The following RBFOX1 variants were observed in gnomAD, a reference collection of about 807,000 sequenced individuals.
RBFOX1 encodes RNA binding fox-1 homolog 1, also known as RNA binding protein fox-1 homolog 1.
RBFOX1 carries 8 observed loss-of-function variants against 57.7 expected under a neutral mutation model. The ratio of observed to expected loss-of-function variants is 0.14; its 90% CI spans 0.08 to 0.25. The LOEUF is 0.25. Ranked by LOEUF, RBFOX1 falls within the 10% of genes least tolerant of loss-of-function variation. The pLI, the probability that RBFOX1 is intolerant of heterozygous loss-of-function variation, is 1.00. For missense variants in RBFOX1, 611 were observed against 548.5 expected (o/e 1.11, Z -1.14); for synonymous variants, 326 against 222.4 (o/e 1.47, Z -4.15).
chr16:6,868,550 C>A (rs1051940192), intron 3 of RBFOX1, among the ~76,000 whole-genome samples: 1 of 152,120 alleles, frequency 6.6e-6, no homozygotes, highest in South Asian at 2.1e-4. Flanking sequence ...CGGCTCACTG[C>A]AACCTCTGCT....
intron 2 of RBFOX1, among the ~76,000 whole-genome samples, chr16:6,563,078 T>C (rs1324464565): frequency 6.6e-6 from 1 of 151,964 alleles, no homozygotes. Context: ...CCATGGAGTA[T>C]ACTCACTTCT....
At chr16:5,257,886 C>A (rs1308023826) in intron 1 of RBFOX1, among the ~76,000 whole-genome samples, 1 of 151,930 alleles carries the variant, frequency 6.6e-6, no homozygotes, top group East Asian at 1.9e-4. Flanking sequence ...TTTTTGTTTG[C>A]TTGTTTCTTT....
chr16:6,581,446 T>A (rs1286966879), intron 2 of RBFOX1, among the ~76,000 whole-genome samples: 1 of 152,216 alleles, frequency 6.6e-6, no homozygotes, highest in African/African-American at 2.4e-5. Flanking sequence ...CCCAGCTGTG[T>A]TGGCTGTTGT....
At position 6,227,804 on chromosome 16, in the gene RBFOX1, C is replaced by G. The variant is rs574971198; in HGVS notation, c.-126-89191C>G. ...GGTTACTAACTATAGAAATCCTTAA[C>G]TGAATTATTTCTCTCAGGTACACAC... On this transcript the variant is annotated intron_variant, in intron 1 of 15. Coordinates refer to ENST00000550418, the MANE Select transcript of RBFOX1 (RefSeq NM_018723.4). 5.9e-5 allele frequency among the ~76,000 whole-genome samples: 9 copies of G among 152,296 alleles called. No individual in the cohort carries two copies. The East Asian group carries it at 1.4e-3, about 23-fold the overall frequency.
intron 3 of RBFOX1, among the ~76,000 whole-genome samples, chr16:6,928,807 C>G (rs1000372051): frequency 6.6e-6 from 1 of 152,052 alleles, no homozygotes; most frequent in African/African-American, 2.4e-5. Flanking sequence ...CATATGCACA[C>G]AGAAAAAGAA....
intron 3 of RBFOX1, among the ~76,000 whole-genome samples, chr16:5,855,241 G>T (rs1024632300): frequency 6.6e-6 from 1 of 152,072 alleles, no homozygotes; most frequent in African/African-American, 2.4e-5. Context: ...AAGCCTACTT[G>T]TTCATTTTTG....
chr16:5,611,135 A>G (rs986986518), intron 3 of RBFOX1: 6 of 152,206 alleles, frequency 3.9e-5, no homozygotes, highest in Non-Finnish European at 7.3e-5. Context: ...TGTTGGCAAC[A>G]TCTCCATCCC....
At chr16:7,681,484 A>T (rs11641271) in intron 14 of RBFOX1, among the ~76,000 whole-genome samples, 20,316 of 152,194 alleles carry the variant, frequency 0.13, 1,726 homozygotes, top group East Asian at 0.31. Context: ...GCCTCAGATT[A>T]AGTAGTAGAG....
intron 2 of RBFOX1, among the ~76,000 whole-genome samples, chr16:6,546,290 C>A (rs1006304811): frequency 6.6e-6 from 1 of 152,186 alleles, no homozygotes; most frequent in Non-Finnish European, 1.5e-5. Flanking sequence ...GCATTGTAAG[C>A]TCTTCCTTGC....
At chr16:7,486,716 G>A (rs982819465) in intron 4 of RBFOX1, among the ~76,000 whole-genome samples, 40 of 152,096 alleles carry the variant, frequency 2.6e-4, no homozygotes, top group Middle Eastern at 3.2e-3. Context: ...CAGATGCTAA[G>A]AAGCAAGTCA....
At position 6,506,044 on chromosome 16, in the gene RBFOX1, C is replaced by T. The variant is rs543169590; in HGVS notation, c.-63-148559C>T. Among the ~76,000 whole-genome samples, 182 of 152,254 alleles carry T rather than the reference C, an allele frequency of 1.2e-3. 1 individual carries two copies. The highest frequency in any genetic ancestry group is 4.3e-3 in the African/African-American group (178 of 41,550). ...GGATAGGTGACCTAAAGGAAAGATTCCTGATTCTAGCAAAGCAGTTAGCAA... is the reference window on the plus strand; with the variant it reads ...GGATAGGTGACCTAAAGGAAAGATTTCTGATTCTAGCAAAGCAGTTAGCAA... On this transcript the variant is annotated intron_variant, in intron 2 of 15. Coordinates refer to ENST00000550418, the MANE Select transcript of RBFOX1 (RefSeq NM_018723.4).
chr16:7,129,204 C>A (rs75157339), intron 4 of RBFOX1, among the ~76,000 whole-genome samples: 1 of 152,128 alleles, frequency 6.6e-6, no homozygotes, highest in Admixed American at 6.6e-5. Context: ...AGTTCTTCCT[C>A]ATTGCAATGT....
At chr16:6,027,872 T>C (rs117208848) in intron 1 of RBFOX1, among the ~76,000 whole-genome samples, 158 of 152,278 alleles carry the variant, frequency 1.0e-3, no homozygotes, top group Non-Finnish European at 2.0e-3. Flanking sequence ...GTTGAGATCG[T>C]TGACAGACTT....
At chr16:6,909,318 C>G (rs142550958) in intron 3 of RBFOX1, among the ~76,000 whole-genome samples, 3 of 152,338 alleles carry the variant, frequency 2.0e-5, no homozygotes, top group African/African-American at 7.2e-5. Context: ...ATACCTCCTT[C>G]TCTGGTCTTC....
chr16:5,254,893 T>C (rs1015685135), intron 1 of RBFOX1, among the ~76,000 whole-genome samples: 6 of 152,152 alleles, frequency 3.9e-5, no homozygotes, highest in Admixed American at 1.3e-4. Context: ...GTGAGCCTTT[T>C]GGGGTGAACT....
Position 6,755,607 on chromosome 16 carries a change from A to C in RBFOX1, c.-16+100957A>C, listed in dbSNP as rs142060191. Among the ~76,000 whole-genome samples the C allele has an allele frequency of 9.9e-4, 151 of 152,290 alleles. 1 individual carries two copies. The highest frequency in any genetic ancestry group is 3.6e-3 in the African/African-American group (148 of 41,568). Reference sequence around the variant, plus strand: ...CATTGTGTTGTTTCAGTGTTTTATCATGAAGAACTGTGGCTCTTTTAACTG... The same window carrying C: ...CATTGTGTTGTTTCAGTGTTTTATCCTGAAGAACTGTGGCTCTTTTAACTG... On this transcript the variant is annotated intron_variant, in intron 3 of 15. Transcript: ENST00000550418.
At chr16:6,211,431 T>C (rs927263093) in intron 1 of RBFOX1, among the ~76,000 whole-genome samples, 17 of 152,046 alleles carry the variant, frequency 1.1e-4, no homozygotes, top group Non-Finnish European at 2.5e-4. Context: ...GGTTTCTTCG[T>C]GTTAGCCAGG....
intron 2 of RBFOX1, among the ~76,000 whole-genome samples, chr16:5,500,775 A>G (rs117497754): frequency 4.7e-4 from 72 of 152,274 alleles, no homozygotes; most frequent in Non-Finnish European, 9.1e-4. Flanking sequence ...TTGCGTGGTA[A>G]CTTCACCACA....
Position 6,526,493 on chromosome 16 carries a change from G to A in RBFOX1, c.-63-128110G>A, listed in dbSNP as rs116482006. ...AGCAATACTTGTCTATTAGGTCTGA[G>A]GCTAGATGCTTTATACACAATATCT... On this transcript the variant is annotated intron_variant, in intron 2 of 15. Coordinates refer to ENST00000550418, the MANE Select transcript of RBFOX1 (RefSeq NM_018723.4). Among the ~76,000 whole-genome samples the A allele has an allele frequency of 1.4e-3, 217 of 152,162 alleles. 1 individual carries two copies. Among genetic ancestry groups the A allele is most frequent in the African/African-American group, 4.8e-3 (199 of 41,536 alleles).
Sources: allele counts gnomAD v4.1 joint callset (sites outside exome capture counted in the v4.1 genomes callset), GRCh38; gene constraint gnomAD v4.1.1; transcripts MANE v1.5; gene names NCBI Gene and HGNC (gene_info 2026-07-23, HGNC 2026-07-21).